The following SNTG1 variants were observed in gnomAD, a reference collection of about 807,000 sequenced individuals.
The protein encoded by SNTG1 is gamma-1-syntrophin.
In SNTG1, 39 loss-of-function variants were observed where a neutral mutation model predicts 74.7. The ratio of observed to expected loss-of-function variants is 0.52; its 90% confidence interval spans 0.40 to 0.68. SNTG1 has a LOEUF of 0.68. Among genes scored for constraint, SNTG1 ranks in the 30% least tolerant of loss-of-function variants. The pLI is 0.00. For missense variants in SNTG1, 685 were observed against 609.5 expected, an observed-to-expected ratio of 1.12 and a Z score of -1.30; for synonymous variants, 254 against 217.1, an observed-to-expected ratio of 1.17 and a Z score of -1.49.
chr8:50,008,916 T>G (rs1815502236), intron 1 of SNTG1, among the ~76,000 whole-genome samples: 1 of 152,224 alleles, frequency 6.6e-6, no homozygotes, highest in Admixed American at 6.5e-5. Context: ...CTTGACATTT[T>G]TGCCCAACAT....
At chr8:50,432,735 A>C (rs1026000807) in intron 4 of SNTG1, among the ~76,000 whole-genome samples, 2 of 151,612 alleles carry the variant, frequency 1.3e-5, no homozygotes, top group African/African-American at 4.8e-5. Flanking sequence ...ATTATGTTAG[A>C]TTTATACCAA....
chr8:50,542,933 A>AG (rs1404433888), intron 11 of SNTG1, among the ~76,000 whole-genome samples: 1 of 152,048 alleles, frequency 6.6e-6, no homozygotes, highest in Non-Finnish European at 1.5e-5. Flanking sequence ...TTTTTAAGTC[A>AG]GATTTTTTAT....
chr8:50,237,341 G>A (rs555109207), intron 2 of SNTG1, among the ~76,000 whole-genome samples: 2 of 152,210 alleles, frequency 1.3e-5, no homozygotes, highest in East Asian at 3.9e-4. Flanking sequence ...TTTTTGGCAA[G>A]AATACTTTAT....
At chr8:50,294,468 T>A (rs1370195410) in intron 2 of SNTG1, among the ~76,000 whole-genome samples, 3 of 152,198 alleles carry the variant, frequency 2.0e-5, no homozygotes, top group Non-Finnish European at 4.4e-5. Context: ...CCCCAAAATT[T>A]GCAGTTGAAG....
chr8:50,687,255 A>G (rs531253141), intron 15 of SNTG1, among the ~76,000 whole-genome samples: 4 of 152,182 alleles, frequency 2.6e-5, no homozygotes, highest in African/African-American at 7.2e-5. Context: ...AATGAAATAA[A>G]CAAACAAAAA....
chr8:50,005,055 AG>A (rs1231299828), intron 1 of SNTG1, among the ~76,000 whole-genome samples: 5 of 152,186 alleles, frequency 3.3e-5, no homozygotes, highest in Admixed American at 3.3e-4. Flanking sequence ...ATAAAATACC[AG>A]AAAAAGTCAT....
intron 1 of SNTG1, among the ~76,000 whole-genome samples, chr8:50,002,698 A>G (rs955934162): frequency 6.6e-6 from 1 of 152,146 alleles, no homozygotes; most frequent in South Asian, 2.1e-4. Context: ...TTGCATAATA[A>G]CAGAATAAAA....
At chr8:50,565,232 T>C (rs1241580712) in intron 12 of SNTG1, among the ~76,000 whole-genome samples, 3 of 151,968 alleles carry the variant, frequency 2.0e-5, no homozygotes, top group East Asian at 3.9e-4. Context: ...AGGGGACCTG[T>C]TGAATAAATG....
intron 1 of SNTG1, among the ~76,000 whole-genome samples, chr8:49,971,649 C>T (rs1056421875): frequency 1.3e-5 from 2 of 152,118 alleles, no homozygotes; most frequent in African/African-American, 4.8e-5. Flanking sequence ...CTTAAGCTGA[C>T]AGGCAACTTC....
At chr8:49,936,451 G>A (rs556548200) in intron 1 of SNTG1, among the ~76,000 whole-genome samples, 6 of 152,144 alleles carry the variant, frequency 3.9e-5, no homozygotes, top group Admixed American at 1.3e-4. Context: ...TATCACTCAC[G>A]TTTGGTAACT....
At chr8:50,257,853 CT>C (rs1430495483) in intron 2 of SNTG1, among the ~76,000 whole-genome samples, 1 of 152,142 alleles carries the variant, frequency 6.6e-6, no homozygotes, top group African/African-American at 2.4e-5. Flanking sequence ...AATTATGCCC[CT>C]GGGTCTTGTC....
At chr8:50,283,356 C>A (rs1179172311) in intron 2 of SNTG1, among the ~76,000 whole-genome samples, 2 of 152,058 alleles carry the variant, frequency 1.3e-5, no homozygotes, top group Non-Finnish European at 2.9e-5. Flanking sequence ...AAAGACAAAG[C>A]ACATTTGTAT....
chr8:50,596,128 GC>G (rs1451626839), intron 13 of SNTG1, among the ~76,000 whole-genome samples: 1 of 151,804 alleles, frequency 6.6e-6, no homozygotes, highest in Admixed American at 6.6e-5. Context: ...CTATGGTCAG[GC>G]TTTTAATTTT....
At chr8:50,355,650 G>A (rs1306034526) in intron 2 of SNTG1, among the ~76,000 whole-genome samples, 1 of 152,152 alleles carries the variant, frequency 6.6e-6, no homozygotes, top group Non-Finnish European at 1.5e-5. Flanking sequence ...AGTATCTTCT[G>A]TCATCAGTTG....
chr8:50,722,745 A>AT (rs2095490795), intron 17 of SNTG1, among the ~76,000 whole-genome samples: 1 of 152,042 alleles, frequency 6.6e-6, no homozygotes, highest in South Asian at 2.1e-4. Context: ...AAGTGCTGGG[A>AT]TTTGTTGTGT....
intron 2 of SNTG1, among the ~76,000 whole-genome samples, chr8:50,285,425 G>A (rs1379085540): frequency 2.0e-5 from 3 of 152,184 alleles, no homozygotes; most frequent in Non-Finnish European, 4.4e-5. Context: ...CAGCCTGTGA[G>A]ACAGAGTGAG....
chr8:50,565,939 A>G (rs1292633656), intron 12 of SNTG1, among the ~76,000 whole-genome samples: 1 of 152,038 alleles, frequency 6.6e-6, no homozygotes, highest in Admixed American at 6.6e-5. Flanking sequence ...AAAAAAAGTA[A>G]AGAGATACAA....
intron 1 of SNTG1, among the ~76,000 whole-genome samples, chr8:49,992,555 AG>A (rs1233657269): frequency 6.6e-6 from 1 of 152,186 alleles, no homozygotes; most frequent in African/African-American, 2.4e-5. Context: ...AAGTGCATAC[AG>A]GGAGCCTCAG....
chr8:49,943,813 T>C lies in SNTG1; in HGVS notation c.-103+31582T>C, dbSNP rs150852106. 7.6e-4 allele frequency among the ~76,000 whole-genome samples: 116 copies of C among 152,378 alleles called. 1 individual carries two copies. Among genetic ancestry groups the C allele is most frequent in the African/African-American group, 2.7e-3 (114 of 41,584 alleles). On this transcript the variant is annotated intron_variant, in intron 1 of 18. Transcript: ENST00000642720. Reference sequence around the variant, plus strand: ...ATCACAATGTATTGTATTTGCATTTTATTTCCATTTTAATTTTGGTTCAAT... The same window carrying C: ...ATCACAATGTATTGTATTTGCATTTCATTTCCATTTTAATTTTGGTTCAAT...
Sources: gnomAD v4.1 joint callset for allele counts (sites outside exome capture counted in the v4.1 genomes callset) on GRCh38, gnomAD v4.1.1 for gene constraint, MANE v1.5 for transcripts, NCBI Gene and HGNC (gene_info 2026-07-23, HGNC 2026-07-21) for gene names.